FHOD3: variants seen among roughly 807,000 people sequenced by gnomAD.
The protein encoded by FHOD3 is FH1/FH2 domain-containing protein 3.
In FHOD3, 90 loss-of-function variants were observed where a neutral mutation model predicts 173.0. That is an observed-to-expected ratio of 0.52 (90% CI 0.44 to 0.62). The LOEUF is 0.62. Ranked by LOEUF, FHOD3 falls within the 20% of genes least tolerant of loss-of-function variation. The pLI, the probability that FHOD3 is intolerant of heterozygous loss-of-function variation, is 0.00. For synonymous variants in FHOD3, 828 were observed against 823.0 expected (o/e 1.01, Z -0.10); for missense variants, 1,945 against 2,034.7 (o/e 0.96, Z 0.85).
intron 4 of FHOD3, among the ~76,000 whole-genome samples, chr18:36,507,873 C>T (rs987901569): frequency 3.3e-5 from 5 of 152,262 alleles, no homozygotes; most frequent in African/African-American, 1.2e-4. Context: ...CCACTCCTCC[C>T]CCTTCCTCAT....
intron 5 of FHOD3, among the ~76,000 whole-genome samples, chr18:36,562,217 A>C (rs2058111815): frequency 6.6e-6 from 1 of 152,078 alleles, no homozygotes; most frequent in African/African-American, 2.4e-5. Context: ...GGATTTCACC[A>C]TGTTGGCCAG....
intron 21 of FHOD3, 63 bp downstream of exon 21, chr18:36,740,901 C>A: frequency 6.7e-7 from 1 of 1,491,460 alleles, no homozygotes; most frequent in South Asian, 1.2e-5. Context: ...GGCAGTTTTT[C>A]ATTGATCAGT....
chr18:36,582,550 C>T (rs2058890455), intron 6 of FHOD3, among the ~76,000 whole-genome samples: 1 of 152,168 alleles, frequency 6.6e-6, no homozygotes, highest in African/African-American at 2.4e-5. Flanking sequence ...TAACCAAATG[C>T]TTGTGCATTG....
intron 4 of FHOD3, among the ~76,000 whole-genome samples, chr18:36,507,807 T>C (rs1419571322): frequency 6.6e-6 from 1 of 152,120 alleles, no homozygotes; most frequent in Non-Finnish European, 1.5e-5. Context: ...TGGACTCAGA[T>C]CCCCAACTGC....
intron 3 of FHOD3, among the ~76,000 whole-genome samples, chr18:36,382,486 G>T (rs2047840094): frequency 6.6e-6 from 1 of 152,216 alleles, no homozygotes; most frequent in Non-Finnish European, 1.5e-5. Flanking sequence ...AGTCCTTTGT[G>T]TAGGTTGGGG....
chr18:36,432,285 A>G (rs1039688979), intron 3 of FHOD3, among the ~76,000 whole-genome samples: 1 of 151,938 alleles, frequency 6.6e-6, no homozygotes, highest in Admixed American at 6.6e-5. Context: ...TAGTTTAAAG[A>G]TTTTTTCTTT....
chr18:36,437,085 C>T (rs8098391), intron 3 of FHOD3, among the ~76,000 whole-genome samples: 76,302 of 151,662 alleles, frequency 0.5, 19,324 homozygotes, highest in South Asian at 0.54. Flanking sequence ...GATGTTTTTT[C>T]TCATTGTATG....
At chr18:36,518,178 A>C (rs1325465989) in intron 5 of FHOD3, among the ~76,000 whole-genome samples, 2 of 152,164 alleles carry the variant, frequency 1.3e-5, no homozygotes, top group Non-Finnish European at 2.9e-5. Flanking sequence ...AAGGTGAGGA[A>C]ATGGGAGCAA....
At chr18:36,739,330 A>T (rs1034346641) in intron 20 of FHOD3, among the ~76,000 whole-genome samples, 1 of 152,200 alleles carries the variant, frequency 6.6e-6, no homozygotes, top group Non-Finnish European at 1.5e-5. Flanking sequence ...GACTCTGGGC[A>T]CACTGCCTAG....
intron 15 of FHOD3, among the ~76,000 whole-genome samples, chr18:36,686,545 A>G (rs148943914): frequency 4.8e-4 from 73 of 151,738 alleles, no homozygotes; most frequent in African/African-American, 1.7e-3. Flanking sequence ...GTTGGGCTTA[A>G]TACTTAGGTG....
intron 5 of FHOD3, among the ~76,000 whole-genome samples, chr18:36,521,759 T>C (rs977244527): frequency 1.3e-5 from 2 of 152,162 alleles, no homozygotes; most frequent in African/African-American, 4.8e-5. Flanking sequence ...GTTCAGCTTC[T>C]TTAGTGGCTC....
chr18:36,609,184 G>A (rs1353764657), intron 8 of FHOD3, among the ~76,000 whole-genome samples: 1 of 152,246 alleles, frequency 6.6e-6, no homozygotes, highest in South Asian at 2.1e-4. Context: ...GGCACCTTTA[G>A]TGTCTGAGGG....
At chr18:36,458,666 GTTTTTTTTTTT>G (rs35141522) in intron 3 of FHOD3, among the ~76,000 whole-genome samples, 2 of 104,724 alleles carry the variant, frequency 1.9e-5, no homozygotes, top group Admixed American at 2.1e-4. Context: ...TTTTTGTTAG[GTTTTTTTTTTT>G]TTTTTTTTTT....
At chr18:36,340,971 G>A (rs571234117) in intron 1 of FHOD3, among the ~76,000 whole-genome samples, 2 of 152,210 alleles carry the variant, frequency 1.3e-5, no homozygotes, top group South Asian at 4.1e-4. Flanking sequence ...TCTAAATGTT[G>A]TTTGCTGAGG....
intron 1 of FHOD3, among the ~76,000 whole-genome samples, chr18:36,324,061 C>T (rs1222639755): frequency 1.3e-5 from 2 of 152,194 alleles, no homozygotes; most frequent in Non-Finnish European, 2.9e-5. Context: ...AGTAGTCCCA[C>T]AAGGATAGAC....
At chr18:36,506,519 G>A (rs2055308013) in intron 4 of FHOD3, among the ~76,000 whole-genome samples, 1 of 152,182 alleles carries the variant, frequency 6.6e-6, no homozygotes, top group African/African-American at 2.4e-5. Flanking sequence ...TATAAAAATT[G>A]TTTGCATGTT....
chr18:36,457,051 A>G (rs2052261235), intron 3 of FHOD3, among the ~76,000 whole-genome samples: 1 of 152,078 alleles, frequency 6.6e-6, no homozygotes, highest in Non-Finnish European at 1.5e-5. Context: ...AGCTCCAGTC[A>G]GGTTCCAGCA....
chr18:36,585,061 A>G (rs1487485522), intron 6 of FHOD3, among the ~76,000 whole-genome samples: 1 of 152,218 alleles, frequency 6.6e-6, no homozygotes, highest in Non-Finnish European at 1.5e-5. Flanking sequence ...TTTAAACTAC[A>G]ATATTTAATG....
chr18:36,697,216 C>G (rs1228335706), intron 17 of FHOD3, among the ~76,000 whole-genome samples: 3 of 152,162 alleles, frequency 2.0e-5, no homozygotes, highest in Non-Finnish European at 4.4e-5. Flanking sequence ...TAGAGAGAAA[C>G]TACTCACCTG....
Sources: gnomAD v4.1 joint callset for allele counts (sites outside exome capture counted in the v4.1 genomes callset) on GRCh38, gnomAD v4.1.1 for gene constraint, MANE v1.5 for transcripts, NCBI Gene and HGNC (gene_info 2026-07-23, HGNC 2026-07-21) for gene names.